XCL1: variants seen among roughly 807,000 people sequenced by gnomAD.
XCL1 encodes lymphotactin.
Under a neutral mutation model 7.4 loss-of-function variants are expected in XCL1, and 6 were observed. That is an observed-to-expected ratio of 0.82 (90% CI 0.45 to 1.61). The LOEUF is 1.61. Ranked by LOEUF, XCL1 falls within the 40% of genes most tolerant of loss-of-function variation. The pLI is 0.01. For synonymous variants in XCL1, 48 were observed against 52.4 expected, an observed-to-expected ratio of 0.92 and a Z score of 0.36; for missense variants, 122 against 138.2, an observed-to-expected ratio of 0.88 and a Z score of 0.59.
At chr1:168,577,718 C>T (rs1655055046) in intron 1 of XCL1, among the ~76,000 whole-genome samples, 1 of 152,164 alleles carries the variant, frequency 6.6e-6, no homozygotes, top group African/African-American at 2.4e-5. Context: ...CATTAGGCCA[C>T]ATGTTGCTAC....
intron 1 of XCL1, among the ~76,000 whole-genome samples, chr1:168,577,367 T>A (rs17513631): frequency 0.6 from 90,707 of 151,992 alleles, 27,843 homozygotes; most frequent in Middle Eastern, 0.68. Context: ...AATTTTCTGT[T>A]TTTGTAAGAG....
chr1:168,580,371 T>G (rs1314839154), intron 2 of XCL1, among the ~76,000 whole-genome samples, 194 bp downstream of exon 2: 2 of 152,196 alleles, frequency 1.3e-5, no homozygotes, highest in South Asian at 4.1e-4. Flanking sequence ...ATTGCAGAAA[T>G]TGGGCTGCCA....
At chr1:168,579,716 C>T (rs1269812622) in intron 1 of XCL1, among the ~76,000 whole-genome samples, 1 of 152,090 alleles carries the variant, frequency 6.6e-6, no homozygotes, top group African/African-American at 2.4e-5. Context: ...TGGGACACAA[C>T]AGGCACCATT....
chr1:168,576,728 G>T (rs751688913), intron 1 of XCL1, 30 bp downstream of exon 1: 5 of 1,613,666 alleles, frequency 3.1e-6, no homozygotes, highest in Non-Finnish European at 4.2e-6. Flanking sequence ...GTGAGATAAA[G>T]AACAGGGAGG....
intron 2 of XCL1, 35 bp downstream of exon 2, chr1:168,580,212 G>A (rs779417199): frequency 3.1e-6 from 5 of 1,606,130 alleles, no homozygotes; most frequent in South Asian, 2.2e-5. Flanking sequence ...TGCTGGGTGG[G>A]TATCTAGAAG....
intron 1 of XCL1, chr1:168,578,693 C>G: frequency 3.1e-6 from 1 of 321,282 alleles, no homozygotes; most frequent in Non-Finnish European, 5.9e-6. Flanking sequence ...TTGCTATTTC[C>G]AGCTTGGCAT....
Position 168,581,283 on chromosome 1 carries a change from C to T in XCL1, c.*63C>T. On this transcript the variant is annotated 3_prime_UTR_variant, in exon 3 of 3. Transcript: ENST00000367818. Reference sequence around the variant, plus strand: ...TCATTTCACTTTACACGCTCATGGACTGAGTTTATACTCACCTTTTATGAA... The same window carrying T: ...TCATTTCACTTTACACGCTCATGGATTGAGTTTATACTCACCTTTTATGAA... 1 of 1,589,810 alleles carries T rather than the reference C, an allele frequency of 6.3e-7. No homozygotes were observed. The highest frequency in any genetic ancestry group is 8.6e-7 in the Non-Finnish European group (1 of 1,165,508).
At chr1:168,577,004 C>T (rs945259372) in intron 1 of XCL1, among the ~76,000 whole-genome samples, 3 of 152,112 alleles carry the variant, frequency 2.0e-5, no homozygotes, top group African/African-American at 7.2e-5. Flanking sequence ...GACATGATCA[C>T]CTGAGATTAA....
intron 1 of XCL1, among the ~76,000 whole-genome samples, chr1:168,578,276 A>T (rs1445614155): frequency 6.6e-6 from 1 of 152,204 alleles, no homozygotes; most frequent in African/African-American, 2.4e-5. Flanking sequence ...CCCTTGCTTT[A>T]AAAAATGCCT....
At position 168,581,091 on chromosome 1, in the gene XCL1, A is replaced by G. The variant is rs568828168; in HGVS notation, c.216A>G (p.Pro72=). The G allele has an allele frequency of 9.3e-6, 15 of 1,613,802 alleles. 1 individual carries two copies. The Admixed American group carries it at 1.7e-4, about 18-fold the overall frequency. Residue 72 remains proline (P), a synonymous_variant, in exon 3 of 3, where the codon CCA becomes CCG. Transcript: ENST00000367818. ...TKRGLKVCAD[P]QATWVRDVVR... is the part of the protein sequence containing the mutation. The stretch of plus-strand genomic sequence containing the variant: ...GTGGCCTAAAAGTCTGTGCTGATCC[A>G]CAAGCCACATGGGTGAGAGACGTGG...
intron 1 of XCL1, among the ~76,000 whole-genome samples, chr1:168,577,341 A>G (rs936606582): frequency 6.6e-6 from 1 of 152,160 alleles, no homozygotes; most frequent in Non-Finnish European, 1.5e-5. Context: ...TGCCATGACT[A>G]TTACTATTTA....
chr1:168,580,209 T>A (rs757809124), intron 2 of XCL1, 32 bp downstream of exon 2: 12 of 1,610,158 alleles, frequency 7.5e-6, no homozygotes, highest in Non-Finnish European at 7.6e-6. Flanking sequence ...TTGTGCTGGG[T>A]GGGTATCTAG....
chr1:168,581,146 A>G lies in XCL1; in HGVS notation c.271A>G (p.Arg91Gly). ...GAGCATGGACAGGAAATCCAACACCAGAAATAACATGATCCAGACCAAGCC... is the reference window on the plus strand; with the variant it reads ...GAGCATGGACAGGAAATCCAACACCGGAAATAACATGATCCAGACCAAGCC... ...VRSMDRKSNT[R>G]NNMIQTKPTG... is the part of the protein sequence containing the mutation. The change falls in exon 3 of 3, where the codon AGA becomes GGA. Residue 91 changes from arginine (R) to glycine (G), a missense_variant. Transcript: ENST00000367818. 1.2e-6 allele frequency: 2 copies of G among 1,613,886 alleles called. No individual in the cohort carries two copies.
chr1:168,576,722 G>C (rs763230764), intron 1 of XCL1, 24 bp downstream of exon 1: 1 of 1,613,774 alleles, frequency 6.2e-7, no homozygotes. Flanking sequence ...CTGTCTGTGA[G>C]ATAAAGAACA....
At chr1:168,580,648 C>T (rs1057432988) in intron 2 of XCL1, among the ~76,000 whole-genome samples, 3 of 152,100 alleles carry the variant, frequency 2.0e-5, no homozygotes, top group African/African-American at 4.8e-5. Flanking sequence ...TAACTCTTCT[C>T]AACATGTAAT....
rs770702338 is a variant in XCL1, at chr1:168,576,677, C to G, written c.40C>G (p.Leu14Val). 2 of 1,613,670 alleles carry G rather than the reference C, an allele frequency of 1.2e-6. No homozygotes were observed. The highest frequency in any genetic ancestry group is 2.7e-5 in the African/African-American group (2 of 74,860). Residue 14 changes from leucine to valine, a missense_variant, in exon 1 of 3, where the codon CTC (leucine) becomes GTC (valine). Physicochemically the swap from Leu to Val is conservative, Grantham distance 32. Coordinates refer to ENST00000367818, the MANE Select transcript of XCL1 (RefSeq NM_002995.3). The part of the protein sequence containing the change: ...LILALLGICS[L>V]TAYIVEGVGS... The stretch of plus-strand genomic sequence containing the variant: ...CCTGGCCCTCCTTGGCATCTGCTCT[C>G]TCACTGCATACATTGTGGAAGGTAA...
intron 1 of XCL1, among the ~76,000 whole-genome samples, chr1:168,577,243 A>T (rs984754821): frequency 6.6e-6 from 1 of 152,194 alleles, no homozygotes; most frequent in African/African-American, 2.4e-5. Context: ...TTTCAATACA[A>T]AACTAAGCCC....
intron 1 of XCL1, chr1:168,578,667 G>T (rs543847518): frequency 6.9e-5 from 19 of 275,800 alleles, no homozygotes; most frequent in African/African-American, 3.4e-4. Context: ...CAGTTTAGTG[G>T]CAAGTTCCTC....
rs1198546845 is a variant in XCL1, at chr1:168,581,199, A to C, written c.324A>C (p.Thr108=). 2.8e-5 allele frequency: 45 copies of C among 1,613,582 alleles called. No individual in the cohort carries two copies. The highest frequency in any genetic ancestry group is 3.8e-5 in the Non-Finnish European group (45 of 1,179,768). ...KPTGTQQSTN[T]AVTLTG is the part of the protein sequence containing the mutation. ...CAGGAACCCAGCAATCGACCAATAC[A>C]GCTGTGACTCTGACTGGCTAGTAGT... Residue 108 remains threonine, a synonymous_variant, in exon 3 of 3, where the codon ACA becomes ACC. Coordinates refer to ENST00000367818, the MANE Select transcript of XCL1 (RefSeq NM_002995.3).
Sources: allele counts gnomAD v4.1 joint callset (sites outside exome capture counted in the v4.1 genomes callset), GRCh38; gene constraint gnomAD v4.1.1; transcripts MANE v1.5; gene names NCBI Gene and HGNC (gene_info 2026-07-23, HGNC 2026-07-21).